Variants in PCDHA2 observed in about 807,000 individuals in gnomAD.
PCDHA2 encodes the protein protocadherin alpha 2.
PCDHA2 carries 58 observed loss-of-function variants against 66.0 expected under a neutral mutation model. That is an observed-to-expected ratio of 0.88 (90% CI 0.71 to 1.09). The LOEUF (loss-of-function observed/expected upper bound fraction) is 1.09, where lower values mean the gene tolerates loss of function less well. PCDHA2 is among the 50% of genes least tolerant of loss of function. PCDHA2 has a pLI of 0.00. For synonymous variants in PCDHA2, 634 were observed against 554.0 expected (o/e 1.14, Z -2.03); for missense variants, 1,267 against 1,242.3 (o/e 1.02, Z -0.30).
At chr5:140,829,722 C>A (rs2150173408) in intron 1 of PCDHA2, 4 of 1,613,622 alleles carry the variant, frequency 2.5e-6, no homozygotes, top group Non-Finnish European at 2.5e-6. Flanking sequence ...GGCGTGCCGC[C>A]TCTGGGCAGC....
chr5:140,827,962 TA>T, intron 1 of PCDHA2: 1 of 1,320,364 alleles, frequency 7.6e-7, no homozygotes, highest in South Asian at 1.4e-5. Flanking sequence ...TTTCTTCTAT[TA>T]CTGCATCATT....
At chr5:140,823,122 C>A in intron 1 of PCDHA2, 1 of 1,614,050 alleles carries the variant, frequency 6.2e-7, no homozygotes, top group Non-Finnish European at 8.5e-7. Context: ...ACGTGAACGA[C>A]AACGCTCCGG....
chr5:140,830,091 T>A, intron 1 of PCDHA2: 1 of 1,613,542 alleles, frequency 6.2e-7, no homozygotes, highest in Non-Finnish European at 8.5e-7. Context: ...ACGGTTCTGG[T>A]GTCGCTGGTG....
rs949986485 is a variant in PCDHA2 at position 140,855,050 on chromosome 5, T to C, written c.2388+57698T>C. Among the ~76,000 whole-genome samples the C allele has an allele frequency of 5.5e-4, 83 of 150,048 alleles. 4 individuals are homozygous for C. The highest frequency in any genetic ancestry group is 1.9e-3 in the African/African-American group (78 of 41,034). On this transcript the variant is annotated intron_variant, in intron 1 of 3. Transcript: ENST00000526136. ...ATAAAGGATTTTTCTGTAATAGTAC[T>C]TTTCTGTTTTCTTAAATACAGAAAC... is the stretch of plus-strand genomic sequence containing the variant.
chr5:140,822,283 A>G (rs1767257556), intron 1 of PCDHA2: 1 of 1,614,254 alleles, frequency 6.2e-7, no homozygotes, highest in Non-Finnish European at 8.5e-7. Context: ...ATTGAGATAC[A>G]GGTTAAATCC....
At chr5:140,826,204 T>G (rs1396641472) in intron 1 of PCDHA2, among the ~76,000 whole-genome samples, 2 of 152,236 alleles carry the variant, frequency 1.3e-5, no homozygotes, top group South Asian at 4.1e-4. Context: ...ATGGTCACAT[T>G]TTAAAAAATC....
intron 1 of PCDHA2, chr5:140,926,601 T>G: frequency 3.1e-6 from 1 of 317,718 alleles, no homozygotes; most frequent in Non-Finnish European, 5.7e-6. Context: ...GCGGGCGGCC[T>G]CGTCTCTGCA....
chr5:140,856,427 G>A lies in PCDHA2; in HGVS notation c.2388+59075G>A, dbSNP rs782109045. ...GGACGTGGAAGTGAAGGACATTAAC[G>A]ACAACCCGCCCAGGTTCTCCGTAAC... On this transcript the variant is annotated intron_variant, in intron 1 of 3. Coordinates refer to ENST00000526136, the MANE Select transcript of PCDHA2 (RefSeq NM_018905.3). The A allele has an allele frequency of 9.4e-6, 15 of 1,598,250 alleles. 1 individual carries two copies. Among genetic ancestry groups the A allele is most frequent in the Non-Finnish European group, 1.3e-5 (15 of 1,167,914 alleles).
intron 1 of PCDHA2, chr5:140,824,043 G>A (rs1767979919): frequency 6.2e-7 from 1 of 1,614,042 alleles, no homozygotes; most frequent in Non-Finnish European, 8.5e-7. Context: ...GGAGACAGAG[G>A]GTGTGCTCTG....
chr5:140,801,347 G>A, intron 1 of PCDHA2: 1 of 1,613,374 alleles, frequency 6.2e-7, no homozygotes, highest in Non-Finnish European at 8.5e-7. Context: ...GCATCGCGCA[G>A]GACCTGGGGC....
At chr5:140,969,010 A>C (rs782688503) in intron 1 of PCDHA2, 2 of 1,614,168 alleles carry the variant, frequency 1.2e-6, no homozygotes, top group Admixed American at 3.3e-5. Context: ...TCTGTGGAGT[A>C]AGGGAAAGGT....
intron 1 of PCDHA2, chr5:140,801,808 A>G (rs375139618): frequency 1.2e-6 from 2 of 1,614,006 alleles, no homozygotes; most frequent in Non-Finnish European, 1.7e-6. Flanking sequence ...AATCGAGAGG[A>G]CACTCCTAAG....
chr5:140,959,642 A>G (rs1352450996), intron 1 of PCDHA2, among the ~76,000 whole-genome samples: 7 of 152,230 alleles, frequency 4.6e-5, no homozygotes, highest in African/African-American at 1.7e-4. Flanking sequence ...GAAAAAACAC[A>G]GAAGCAAAAT....
chr5:140,926,892 G>A (rs781956892), intron 1 of PCDHA2: 10 of 1,546,640 alleles, frequency 6.5e-6, no homozygotes, highest in African/African-American at 2.7e-5. Context: ...CTAGAGGGAG[G>A]ATGGTGGGCT....
chr5:140,967,665 C>G (rs782126222), intron 1 of PCDHA2: 1 of 1,614,154 alleles, frequency 6.2e-7, no homozygotes. Context: ...AGCAGCTACA[C>G]GTCGGACCGG....
At position 140,822,272 on chromosome 5, in the gene PCDHA2, A is replaced by C; in HGVS notation, c.2388+24920A>C. ...GATTTGGATATTGGAGCAAATGCACAATTGAGATACAGGTTAAATCCAAAC... is the reference window on the plus strand; with the variant it reads ...GATTTGGATATTGGAGCAAATGCACCATTGAGATACAGGTTAAATCCAAAC... On this transcript the variant is annotated intron_variant, in intron 1 of 3. Coordinates refer to ENST00000526136, the MANE Select transcript of PCDHA2 (RefSeq NM_018905.3). The C allele has an allele frequency of 6.2e-7, 1 of 1,614,244 alleles. No individual in the cohort carries two copies. The highest frequency in any genetic ancestry group is 1.7e-5 in the Admixed American group (1 of 60,036).
chr5:140,877,582 A>G, intron 1 of PCDHA2: 1 of 1,613,772 alleles, frequency 6.2e-7, no homozygotes, highest in East Asian at 2.2e-5. Context: ...CATCATCGCC[A>G]TCTGTGCGGT....
chr5:140,826,083 T>C (rs1190290121), intron 1 of PCDHA2, among the ~76,000 whole-genome samples: 2 of 152,240 alleles, frequency 1.3e-5, no homozygotes, highest in Non-Finnish European at 2.9e-5. Context: ...TTCAATTTTA[T>C]AAGTACCCTT....
In PCDHA2 at chr5:140,852,643, C is replaced by T. The variant is rs2150521089; in HGVS notation, c.2388+55291C>T. 453 of 958,790 alleles carry T rather than the reference C, an allele frequency of 4.7e-4. 23 individuals carry two copies. The African/African-American group carries it at 7.6e-3, about 16-fold the overall frequency. 59.4% of individuals were successfully genotyped at this position (958,790 alleles called of 1,614,324 possible). ...TGGTCTCTGAGCTCCTGTCATTAAA[C>T]CTATCTATATCTGTCTATCAGCACA... is the stretch of plus-strand genomic sequence containing the variant. On this transcript the variant is annotated intron_variant, in intron 1 of 3. Transcript: ENST00000526136.
Sources: allele counts gnomAD v4.1 joint callset (sites outside exome capture counted in the v4.1 genomes callset), GRCh38; gene constraint gnomAD v4.1.1; transcripts MANE v1.5; gene names NCBI Gene and HGNC (gene_info 2026-07-23, HGNC 2026-07-21).